The following KALRN variants were observed in gnomAD, a reference collection of about 807,000 sequenced individuals.
KALRN encodes the protein kalirin.
In KALRN, 70 loss-of-function variants were observed where a neutral mutation model predicts 353.7. That is an observed-to-expected ratio of 0.20 (90% CI 0.16 to 0.24). The LOEUF is 0.24. KALRN is among the 10% of genes least tolerant of loss of function. The pLI, the probability that KALRN is intolerant of heterozygous loss-of-function variation, is 1.00. For synonymous variants in KALRN, 1,391 were observed against 1,434.8 expected (o/e 0.97, Z 0.69); for missense variants, 2,791 against 3,756.7 (o/e 0.74, Z 6.72).
intron 1 of KALRN, among the ~76,000 whole-genome samples, chr3:124,189,518 G>A (rs1203026720): frequency 6.6e-6 from 1 of 152,252 alleles, no homozygotes; most frequent in South Asian, 2.1e-4. Flanking sequence ...AAGCAACATA[G>A]AGGGCCAAGC....
chr3:124,166,274 T>C (rs1050200222), intron 1 of KALRN, among the ~76,000 whole-genome samples: 2 of 152,212 alleles, frequency 1.3e-5, no homozygotes, highest in East Asian at 1.9e-4. Context: ...TTTATGAAGA[T>C]AGCGACTTTG....
chr3:124,467,282 C>A (rs2060434075), intron 25 of KALRN, among the ~76,000 whole-genome samples: 1 of 152,198 alleles, frequency 6.6e-6, no homozygotes, highest in East Asian at 1.9e-4. Flanking sequence ...GAACCACAGC[C>A]ACATTTCAGT....
intron 1 of KALRN, chr3:124,100,672 T>C (rs2061787696): frequency 6.6e-6 from 1 of 152,248 alleles, no homozygotes; most frequent in South Asian, 2.1e-4. Flanking sequence ...TGAGATTATC[T>C]TCTTGGGACT....
In KALRN at chr3:124,664,334, A is replaced by AGTGT. The variant is rs750940277; in HGVS notation, c.6346-2081_6346-2078dup. Among the ~76,000 whole-genome samples, 314 of 126,862 alleles carry AGTGT rather than the reference A, an allele frequency of 2.5e-3. 5 individuals carry two copies. Among genetic ancestry groups the AGTGT allele is most frequent in the Non-Finnish European group, 2.6e-3 (153 of 59,350 alleles). The allele number at this position is 126,862 out of a possible 152,430, so 83.2% of individuals were successfully genotyped here. A position where few individuals can be genotyped will look rare whatever the true frequency, so the allele number is the denominator to read the frequency against. On this transcript the variant is annotated intron_variant, in intron 45 of 59. Coordinates refer to ENST00000682506, the MANE Select transcript of KALRN (RefSeq NM_001388419.1). The stretch of plus-strand genomic sequence containing the variant: ...TCACAGGAGCTGTGTTGTACATGTG[A>AGTGT]GTGTGTGTGTGTGTGTGTGTGTGTG...
chr3:124,338,344 CT>C (rs2081345240), intron 9 of KALRN, among the ~76,000 whole-genome samples: 1 of 152,124 alleles, frequency 6.6e-6, no homozygotes, highest in East Asian at 1.9e-4. Flanking sequence ...TGTCTTTGTT[CT>C]CATTGGTGTC....
At chr3:124,680,308 T>A (rs952236339) in intron 51 of KALRN, among the ~76,000 whole-genome samples, 2 of 152,346 alleles carry the variant, frequency 1.3e-5, no homozygotes, top group African/African-American at 4.8e-5. Flanking sequence ...CCATTCCACT[T>A]CCAACTCCCA....
chr3:124,391,807 T>C (rs1474335765), intron 11 of KALRN, among the ~76,000 whole-genome samples: 1 of 152,200 alleles, frequency 6.6e-6, no homozygotes, highest in Non-Finnish European at 1.5e-5. Context: ...CAATTTCACC[T>C]CTCTCTCTTT....
intron 5 of KALRN, among the ~76,000 whole-genome samples, chr3:124,269,800 C>T (rs1374779742): frequency 1.3e-5 from 2 of 152,250 alleles, no homozygotes; most frequent in African/African-American, 4.8e-5. Flanking sequence ...GGTGGCATCT[C>T]TCTTGACATG....
At chr3:124,241,255 CT>C (rs2080403183) in intron 3 of KALRN, among the ~76,000 whole-genome samples, 1 of 151,570 alleles carries the variant, frequency 6.6e-6, no homozygotes, top group Non-Finnish European at 1.5e-5. Flanking sequence ...ATATGATTTA[CT>C]TTTCTTGTTT....
chr3:124,378,682 TTG>T (rs1328039750), intron 10 of KALRN, among the ~76,000 whole-genome samples: 3 of 4,020 alleles, frequency 7.5e-4, no homozygotes, highest in Non-Finnish European at 0.014. Context: ...TTCCCAGGTT[TTG>T]TTTTTTTTTT....
Position 124,384,888 on chromosome 3 carries a change from A to C in KALRN, c.1814A>C (p.Gln605Pro). 6.2e-7 allele frequency: 1 copy of C among 1,612,954 alleles called. No individual in the cohort carries two copies. Among genetic ancestry groups the C allele is most frequent in the Non-Finnish European group, 8.5e-7 (1 of 1,179,362 alleles). The change falls in exon 11 of 60, where the codon CAG (glutamine) becomes CCG (proline). Residue 605 changes from glutamine (Q) to proline (P), a missense_variant. This residue lies in a region of KALRN where 452 missense variants were observed against 575.8 expected (regional missense o/e 0.78). Transcript: ENST00000682506. The part of the protein sequence containing the change: ...NADKLLEAAE[Q>P]LAQTGECDPE... ...GACAAGCTCCTAGAAGCAGCAGAGC[A>C]GTTGGCTCAGACGGGGGAATGTGAC...
chr3:124,695,001 AG>A (rs2061985891), intron 53 of KALRN, among the ~76,000 whole-genome samples: 1 of 152,204 alleles, frequency 6.6e-6, no homozygotes, highest in Admixed American at 6.5e-5. Context: ...TAAGTGGCGA[AG>A]GCTCCAGACC....
chr3:124,034,830 C>T (rs1433324656), intron 1 of KALRN, among the ~76,000 whole-genome samples: 1 of 152,118 alleles, frequency 6.6e-6, no homozygotes, highest in African/African-American at 2.4e-5. Context: ...GTTACCGGGG[C>T]CCCATGCATC....
rs749358975 is a variant in KALRN, at chr3:124,434,417, G to C, written c.2940G>C (p.Arg980=). The part of the protein sequence containing the change: ...QAGHYDADAI[R]ECAEKVALHW... ...GCCACTACGATGCCGATGCCATCCG[G>C]GAATGTGCTGAGAAGGTGGCCCTCC... is the stretch of plus-strand genomic sequence containing the variant. Residue 980 remains arginine, a synonymous_variant, in exon 17 of 60, where the codon CGG becomes CGC. Transcript: ENST00000682506. 6.2e-7 allele frequency: 1 copy of C among 1,614,226 alleles called. No homozygotes were observed. Among genetic ancestry groups the C allele is most frequent in the Non-Finnish European group, 8.5e-7 (1 of 1,180,026 alleles).
At chr3:124,710,223 G>A (rs1273703183) in intron 57 of KALRN, among the ~76,000 whole-genome samples, 1 of 152,190 alleles carries the variant, frequency 6.6e-6, no homozygotes, top group Admixed American at 6.5e-5. Flanking sequence ...GTTTACTAGA[G>A]GCTCAACTGT....
rs117243472 is a variant in KALRN, at chr3:124,655,033, G to A, written c.5796-568G>A. Among the ~76,000 whole-genome samples, 11 of 152,246 alleles carry A rather than the reference G, an allele frequency of 7.2e-5. No homozygotes were observed. The East Asian group carries it at 2.1e-3, about 29-fold the overall frequency. ...AGTCCATCTTTCTGGCCTTGACTGG[G>A]GGTTTTCCAGGCCAGTTACCATGAT... On this transcript the variant is annotated intron_variant, in intron 38 of 59. Transcript: ENST00000682506.
intron 26 of KALRN, among the ~76,000 whole-genome samples, chr3:124,476,681 C>T (rs2061455705): frequency 6.6e-6 from 1 of 152,116 alleles, no homozygotes; most frequent in South Asian, 2.1e-4. Flanking sequence ...TAGTTAGGAA[C>T]CATTGTTTAG....
intron 13 of KALRN, chr3:124,410,140 A>G (rs2092007504): frequency 2.0e-6 from 1 of 498,458 alleles, no homozygotes; most frequent in Non-Finnish European, 4.1e-6. Flanking sequence ...TGAATTCCCA[A>G]GATTCCAGAC....
chr3:124,597,535 C>A (rs1019393864), intron 34 of KALRN, among the ~76,000 whole-genome samples: 2 of 152,074 alleles, frequency 1.3e-5, no homozygotes, highest in Admixed American at 6.6e-5. Context: ...TTTAAAGGGC[C>A]AAGGACATAG....
Sources: allele counts gnomAD v4.1 joint callset (sites outside exome capture counted in the v4.1 genomes callset), GRCh38; gene constraint gnomAD v4.1.1; regional missense constraint gnomAD v4.1.1; transcripts MANE v1.5; gene names NCBI Gene and HGNC (gene_info 2026-07-23, HGNC 2026-07-21).